ATF2: variants seen among roughly 807,000 people sequenced by gnomAD.
ATF2 encodes the protein cyclic AMP-dependent transcription factor ATF-2.
In ATF2, 24 loss-of-function variants were observed where a neutral mutation model predicts 60.6. The ratio of observed to expected loss-of-function variants is 0.40; its 90% CI spans 0.29 to 0.56. The LOEUF is 0.56. Among genes scored for constraint, ATF2 ranks in the 20% least tolerant of loss-of-function variants. The pLI, the probability that ATF2 is intolerant of heterozygous loss-of-function variation, is 0.54. For synonymous variants in ATF2, 206 were observed against 215.4 expected (o/e 0.96, Z 0.38); for missense variants, 433 against 607.7 (o/e 0.71, Z 3.02).
chr2:175,128,624 T>C (rs542621778), intron 4 of ATF2, among the ~76,000 whole-genome samples: 3 of 152,146 alleles, frequency 2.0e-5, no homozygotes, highest in Admixed American at 1.3e-4. Flanking sequence ...AATACCTTCA[T>C]AATCTAAAGG....
At chr2:175,140,533 G>T (rs905915333) in intron 2 of ATF2, among the ~76,000 whole-genome samples, 8 of 152,066 alleles carry the variant, frequency 5.3e-5, no homozygotes, top group Non-Finnish European at 1.0e-4. Flanking sequence ...AAACTTTTGA[G>T]GGTGACAAAT....
chr2:175,076,717 G>C (rs1693326623), intron 13 of ATF2, among the ~76,000 whole-genome samples: 2 of 150,390 alleles, frequency 1.3e-5, no homozygotes, highest in African/African-American at 4.9e-5. Context: ...ATACTAAAAA[G>C]CTCTATTTGT....
At chr2:175,137,620 A>T (rs1213049553) in intron 2 of ATF2, among the ~76,000 whole-genome samples, 4 of 152,178 alleles carry the variant, frequency 2.6e-5, no homozygotes, top group African/African-American at 9.6e-5. Context: ...TTTGGTAGGA[A>T]TAAGAGTTAA....
At chr2:175,113,855 T>C (rs1194341965) in intron 9 of ATF2, 139 bp downstream of exon 9, 7 of 790,708 alleles carry the variant, frequency 8.9e-6, no homozygotes, top group Non-Finnish European at 1.0e-5. Flanking sequence ...GCTATTACAA[T>C]GATAACAAAT....
chr2:175,077,690 A>C (rs965604860), intron 13 of ATF2, among the ~76,000 whole-genome samples: 1 of 152,224 alleles, frequency 6.6e-6, no homozygotes, highest in Non-Finnish European at 1.5e-5. Flanking sequence ...AGACTTTCAG[A>C]ATTAGGTAAA....
intron 1 of ATF2, among the ~76,000 whole-genome samples, chr2:175,160,662 T>C (rs1412812388): frequency 6.6e-6 from 1 of 152,200 alleles, no homozygotes; most frequent in Non-Finnish European, 1.5e-5. Flanking sequence ...TTTAGAACTG[T>C]GGTATTTTAA....
intron 4 of ATF2, among the ~76,000 whole-genome samples, chr2:175,129,016 G>GA (rs1183878221): frequency 6.6e-6 from 1 of 152,090 alleles, no homozygotes; most frequent in Non-Finnish European, 1.5e-5. Context: ...CAAGAGAAAT[G>GA]AAAGCATGTG....
chr2:175,096,253 G>A (rs150579499), intron 11 of ATF2, among the ~76,000 whole-genome samples: 2 of 152,100 alleles, frequency 1.3e-5, no homozygotes, highest in Non-Finnish European at 2.9e-5. Flanking sequence ...AGCACTGCAG[G>A]CATATAACAA....
intron 1 of ATF2, chr2:175,167,643 G>T (rs548890548): frequency 1.9e-4 from 94 of 498,970 alleles, no homozygotes; most frequent in African/African-American, 1.7e-3. Flanking sequence ...ACTGTGGGTG[G>T]GAGAGGTCTC....
chr2:175,121,659 T>C (rs1696961291), intron 4 of ATF2, 119 bp from the exon 5 acceptor site: 1 of 691,684 alleles, frequency 1.4e-6, no homozygotes, highest in Middle Eastern at 3.6e-4. Context: ...ATAGCAGTTT[T>C]TAAACTATAA....
At chr2:175,083,088 T>C (rs1475351497) in intron 12 of ATF2, among the ~76,000 whole-genome samples, 3 of 151,568 alleles carry the variant, frequency 2.0e-5, no homozygotes, top group African/African-American at 4.9e-5. Context: ...AATTTATAGA[T>C]TCAATGCCAT....
chr2:175,128,338 T>C (rs1172843820), intron 4 of ATF2, among the ~76,000 whole-genome samples: 1 of 151,988 alleles, frequency 6.6e-6, no homozygotes, highest in African/African-American at 2.4e-5. Context: ...CCATCTCTAC[T>C]AAAAATACAA....
chr2:175,108,171 G>A (rs1180724431), intron 10 of ATF2, among the ~76,000 whole-genome samples: 1 of 151,510 alleles, frequency 6.6e-6, no homozygotes, highest in African/African-American at 2.4e-5. Flanking sequence ...GAGCGCCTCT[G>A]CCCGGCCGCG....
intron 1 of ATF2, among the ~76,000 whole-genome samples, chr2:175,152,182 G>A (rs60707991): frequency 9.7e-4 from 148 of 152,270 alleles, no homozygotes; most frequent in African/African-American, 3.6e-3. Context: ...GATACCTCAT[G>A]GAGATGGCTT....
At chr2:175,122,732 G>A (rs1415539298) in intron 4 of ATF2, among the ~76,000 whole-genome samples, 1 of 151,766 alleles carries the variant, frequency 6.6e-6, no homozygotes, top group Non-Finnish European at 1.5e-5. Context: ...GTCCTTTTAA[G>A]TAGGCTGAGC....
At chr2:175,096,953 A>G (rs989026457) in intron 11 of ATF2, among the ~76,000 whole-genome samples, 3 of 152,226 alleles carry the variant, frequency 2.0e-5, no homozygotes, top group African/African-American at 4.8e-5. Context: ...GCAAGAAAAA[A>G]TATCTAGTGT....
intron 12 of ATF2, among the ~76,000 whole-genome samples, 179 bp downstream of exon 12, chr2:175,092,882 T>C (rs1694655317): frequency 6.6e-6 from 1 of 152,212 alleles, no homozygotes; most frequent in Non-Finnish European, 1.5e-5. Flanking sequence ...TTGAAAGTTT[T>C]ATATTATTTC....
In ATF2 at chr2:175,145,414, C is replaced by T. The variant is rs115649898; in HGVS notation, c.-44+5646G>A. On this transcript the variant is annotated intron_variant, in intron 2 of 13. Coordinates refer to ENST00000264110, the MANE Select transcript of ATF2 (RefSeq NM_001880.4). ...CCCTGCAACTCTCTTCCTGCTCCTG[C>T]TCTCACCATGTTATGTGCCTGCTCC... 2.5e-3 allele frequency among the ~76,000 whole-genome samples: 375 copies of T among 152,292 alleles called. 3 individuals carry two copies. Among genetic ancestry groups the T allele is most frequent in the African/African-American group, 8.6e-3 (357 of 41,570 alleles).
chr2:175,082,279 G>A (rs950907021), intron 12 of ATF2, among the ~76,000 whole-genome samples: 1 of 152,146 alleles, frequency 6.6e-6, no homozygotes, highest in Admixed American at 6.6e-5. Flanking sequence ...AAGATTAAAT[G>A]ATTTAGAATA....
Sources: gnomAD v4.1 joint callset for allele counts (sites outside exome capture counted in the v4.1 genomes callset) on GRCh38, gnomAD v4.1.1 for gene constraint, MANE v1.5 for transcripts, NCBI Gene and HGNC (gene_info 2026-07-23, HGNC 2026-07-21) for gene names.